SUSD4: variants seen among roughly 807,000 people sequenced by gnomAD.
The protein encoded by SUSD4 is sushi domain containing 4, also known as sushi domain-containing protein 4.
SUSD4 carries 41 observed loss-of-function variants against 50.5 expected under a neutral mutation model. The ratio of observed to expected loss-of-function variants is 0.81; its 90% CI spans 0.63 to 1.05. SUSD4 has a LOEUF of 1.05. Among genes scored for constraint, SUSD4 ranks in the 50% least tolerant of loss-of-function variants. The probability of loss-of-function intolerance (pLI) is 0.00; values close to 1 mark genes in which losing one functional copy is unlikely to be tolerated. For missense variants in SUSD4, 580 were observed against 634.7 expected, an observed-to-expected ratio of 0.91 and a Z score of 0.93; for synonymous variants, 257 against 257.3, an observed-to-expected ratio of 1.00 and a Z score of 0.01.
At chr1:223,258,191 C>T (rs752373280) in intron 5 of SUSD4, among the ~76,000 whole-genome samples, 2 of 152,148 alleles carry the variant, frequency 1.3e-5, no homozygotes, top group Admixed American at 6.5e-5. Flanking sequence ...CCTCTTATAC[C>T]AGGCGCCTCT....
chr1:223,319,999 C>G (rs1239633669), intron 2 of SUSD4, among the ~76,000 whole-genome samples: 1 of 152,174 alleles, frequency 6.6e-6, no homozygotes, highest in African/African-American at 2.4e-5. Context: ...TTCTCATCAG[C>G]GAAGCCAGGT....
chr1:223,355,431 CT>C (rs1282403234), intron 2 of SUSD4, among the ~76,000 whole-genome samples: 1 of 152,092 alleles, frequency 6.6e-6, no homozygotes, highest in African/African-American at 2.4e-5. Flanking sequence ...GTTGCCCAGG[CT>C]GGTCTTGAAC....
At position 223,229,258 on chromosome 1, in the gene SUSD4, C is replaced by T. The variant is rs184037495; in HGVS notation, c.855G>A (p.Lys285=). 291 of 1,613,090 alleles carry T rather than the reference C, an allele frequency of 1.8e-4. 1 individual carries two copies. The highest frequency in any genetic ancestry group is 4.7e-5 in the Non-Finnish European group (55 of 1,179,132). The change falls in exon 6 of 9, where the codon AAG becomes AAA. Residue 285 remains lysine (K), a synonymous_variant. Transcript: ENST00000366878. The surrounding 1 kb of genome is among the most constrained non-coding windows in gnomAD (Gnocchi z 4.7). ...DPGYSLTSDY[K]YITCQYGEWF... is the part of the protein sequence containing the mutation. ...ACTCTCCATACTGGCAGGTGATGTA[C>T]TTGTAGTCGCTGGTGAGGCTGTAGC...
At chr1:223,351,137 T>A (rs1376266734) in intron 2 of SUSD4, among the ~76,000 whole-genome samples, 1 of 152,222 alleles carries the variant, frequency 6.6e-6, no homozygotes, top group Non-Finnish European at 1.5e-5. Context: ...CAGAGGCAAT[T>A]AAGGGGCTTG....
intron 2 of SUSD4, among the ~76,000 whole-genome samples, chr1:223,294,054 G>C (rs1195425560): frequency 6.6e-6 from 1 of 152,294 alleles, no homozygotes; most frequent in South Asian, 2.1e-4. Context: ...TCCTCAAAGG[G>C]AACAATGCAA....
At chr1:223,235,452 C>T (rs1571850113) in intron 5 of SUSD4, among the ~76,000 whole-genome samples, 2 of 152,286 alleles carry the variant, frequency 1.3e-5, no homozygotes, top group East Asian at 3.9e-4. Flanking sequence ...CATGTATCCA[C>T]CATTCAAGTT....
chr1:223,321,805 A>AT (rs1459272616), intron 2 of SUSD4, among the ~76,000 whole-genome samples: 1 of 152,332 alleles, frequency 6.6e-6, no homozygotes, highest in East Asian at 1.9e-4. Flanking sequence ...TTATCAAAAT[A>AT]TTTTTTAAAC....
chr1:223,325,340 G>A lies in SUSD4; in HGVS notation c.149-32689C>T, dbSNP rs34909949. ...GACATGATTCTAACAGAAATATATC[G>A]AGAGTGATGGGGAGATTAATTTTGG... On this transcript the variant is annotated intron_variant, in intron 2 of 8. Transcript: ENST00000366878. Among the ~76,000 whole-genome samples, 813 of 152,180 alleles carry A rather than the reference G, an allele frequency of 5.3e-3. 4 individuals are homozygous for A. Among genetic ancestry groups the A allele is most frequent in the Middle Eastern group, 0.01 (3 of 294 alleles).
chr1:223,333,234 C>T (rs188027509), intron 2 of SUSD4, among the ~76,000 whole-genome samples: 53 of 152,238 alleles, frequency 3.5e-4, no homozygotes, highest in Admixed American at 1.1e-3. Context: ...CTTAGATCTA[C>T]GTGCATTTCA....
chr1:223,324,081 C>T (rs1425867229), intron 2 of SUSD4, among the ~76,000 whole-genome samples: 1 of 150,366 alleles, frequency 6.7e-6, no homozygotes, highest in African/African-American at 2.5e-5. Context: ...TTTGGCACAT[C>T]CGACTGACTG....
chr1:223,254,270 G>A (rs73122211), intron 5 of SUSD4, among the ~76,000 whole-genome samples: 7,789 of 152,170 alleles, frequency 0.051, 568 homozygotes, highest in African/African-American at 0.16. Flanking sequence ...TGGCGGGAGA[G>A]GTAGTTCAAA....
chr1:223,262,849 C>T (rs1431865666), intron 5 of SUSD4, among the ~76,000 whole-genome samples: 1 of 152,186 alleles, frequency 6.6e-6, no homozygotes, highest in Non-Finnish European at 1.5e-5. Context: ...CTGGCACAGG[C>T]AGCTGTCAGC....
intron 3 of SUSD4, among the ~76,000 whole-genome samples, chr1:223,282,490 T>C (rs1232122688): frequency 3.3e-5 from 5 of 152,130 alleles, no homozygotes; most frequent in Non-Finnish European, 7.4e-5. Context: ...CCATTCACAA[T>C]TGCTTCAAAA....
At chr1:223,282,501 A>T (rs1214716182) in intron 3 of SUSD4, among the ~76,000 whole-genome samples, 1 of 152,150 alleles carries the variant, frequency 6.6e-6, no homozygotes, top group South Asian at 2.1e-4. Context: ...TGCTTCAAAA[A>T]GAATAAAATA....
rs774078743 is a variant in SUSD4, at chr1:223,264,955, C to T, written c.536-137G>A. On this transcript the variant is annotated intron_variant, in intron 4 of 8. Transcript: ENST00000366878. ...ATGGCACCACCTCTGAAGAATGAAG[C>T]ACCTTGGTCTCAAATACTCAGGTTC... The T allele has an allele frequency of 2.9e-4, 239 of 833,802 alleles. 1 individual carries two copies. The highest frequency in any genetic ancestry group is 3.7e-4 in the Non-Finnish European group (206 of 551,422). The allele number at this position is 833,802 out of a possible 1,614,324, so 51.7% of individuals were successfully genotyped here.
At chr1:223,355,424 G>A (rs1235361018) in intron 2 of SUSD4, among the ~76,000 whole-genome samples, 1 of 151,974 alleles carries the variant, frequency 6.6e-6, no homozygotes, top group East Asian at 1.9e-4. Flanking sequence ...TTTGCATGTT[G>A]CCCAGGCTGG....
chr1:223,268,894 C>T (rs769974019), intron 3 of SUSD4, among the ~76,000 whole-genome samples: 5 of 152,072 alleles, frequency 3.3e-5, no homozygotes, highest in African/African-American at 4.8e-5. Flanking sequence ...GGACCCAGGG[C>T]GTGGGGATCC....
At chr1:223,285,175 C>T (rs1044737042) in intron 3 of SUSD4, among the ~76,000 whole-genome samples, 2 of 152,074 alleles carry the variant, frequency 1.3e-5, no homozygotes, top group Non-Finnish European at 2.9e-5. Flanking sequence ...GTACCCAATC[C>T]ATATGACAGA....
At chr1:223,358,976 T>C in intron 2 of SUSD4, 1 of 440,510 alleles carries the variant, frequency 2.3e-6, no homozygotes, top group Non-Finnish European at 4.8e-6. Flanking sequence ...TCAGAAAGCA[T>C]CTGTTTCCAC....
Sources: gnomAD v4.1 joint callset for allele counts (sites outside exome capture counted in the v4.1 genomes callset) on GRCh38, gnomAD v4.1.1 for gene constraint, Gnocchi (gnomAD v3.1) non-coding constraint, MANE v1.5 for transcripts, NCBI Gene and HGNC (gene_info 2026-07-23, HGNC 2026-07-21) for gene names.